The following NELL2 variants were observed in gnomAD, a reference collection of about 807,000 sequenced individuals.
NELL2 encodes the protein protein kinase C-binding protein NELL2.
Under a neutral mutation model 109.6 loss-of-function variants are expected in NELL2, and 41 were observed. That is an observed-to-expected ratio of 0.37 (90% confidence interval 0.29 to 0.49). The LOEUF (loss-of-function observed/expected upper bound fraction) is 0.49, where lower values mean the gene tolerates loss of function less well. Among genes scored for constraint, NELL2 ranks in the 20% least tolerant of loss-of-function variants. The pLI, the probability that NELL2 is intolerant of heterozygous loss-of-function variation, is 0.98. For synonymous variants in NELL2, 355 were observed against 344.7 expected (o/e 1.03, Z -0.33); for missense variants, 900 against 1,008.3 (o/e 0.89, Z 1.45).
At chr12:44,874,931 C>A in intron 2 of NELL2, 2 of 268,012 alleles carry the variant, frequency 7.5e-6, no homozygotes, top group Non-Finnish European at 1.4e-5. Context: ...TGTTATAATT[C>A]ATTGTTCCCC....
rs1945307496 is a variant in NELL2 at position 44,875,963 on chromosome 12, C to G, written c.-94G>C. 1 of 1,591,958 alleles carries G rather than the reference C, an allele frequency of 6.3e-7. No homozygotes were observed. The highest frequency in any genetic ancestry group is 8.5e-7 in the Non-Finnish European group (1 of 1,174,212). ...AATCAAGCGGGAAAATAACGTTTGT[C>G]TCTCCTGCTGCTGCCTCGGATTTAC... On this transcript the variant is annotated 5_prime_UTR_variant, in exon 1 of 20. Transcript: ENST00000429094.
intron 15 of NELL2, among the ~76,000 whole-genome samples, chr12:44,602,266 G>A (rs575156425): frequency 1.3e-5 from 2 of 152,206 alleles, no homozygotes; most frequent in Non-Finnish European, 2.9e-5. Flanking sequence ...CATGAGTGTA[G>A]ATCCCTTAGG....
chr12:44,758,472 T>C (rs761428883), intron 9 of NELL2, among the ~76,000 whole-genome samples: 3 of 152,212 alleles, frequency 2.0e-5, no homozygotes, highest in Non-Finnish European at 4.4e-5. Context: ...TTGCAGAAGA[T>C]GCGCAAGCAC....
chr12:44,508,882 T>C lies in NELL2; in HGVS notation c.*52A>G. On this transcript the variant is annotated 3_prime_UTR_variant, in exon 20 of 20. Transcript: ENST00000429094. ...TTTAAGTTTTAACTTCTTTTTGGTC[T>C]TTTAATGAAAGAACATTCTTTTAAC... The C allele has an allele frequency of 6.6e-7, 1 of 1,522,288 alleles. No homozygotes were observed. Among genetic ancestry groups the C allele is most frequent in the Non-Finnish European group, 9.0e-7 (1 of 1,109,446 alleles). The allele number at this position is 1,522,288 out of a possible 1,614,324, so 94.3% of individuals were successfully genotyped here. A position where few individuals can be genotyped will look rare whatever the true frequency, so the allele number is the denominator to read the frequency against.
intron 16 of NELL2, among the ~76,000 whole-genome samples, chr12:44,525,057 CAT>C (rs1018178502): frequency 6.6e-6 from 1 of 152,012 alleles, no homozygotes; most frequent in African/African-American, 2.4e-5. Context: ...ATAAACAAAC[CAT>C]AGTTATTTGG....
intron 3 of NELL2, among the ~76,000 whole-genome samples, chr12:44,792,353 C>T (rs1344456083): frequency 6.6e-6 from 1 of 151,898 alleles, no homozygotes; most frequent in Non-Finnish European, 1.5e-5. Flanking sequence ...GAGATTTTTT[C>T]TTCATTTTTA....
chr12:44,814,933 G>A lies in NELL2; in HGVS notation c.335+1053C>T, dbSNP rs183129763. On this transcript the variant is annotated intron_variant, in intron 3 of 19. Coordinates refer to ENST00000429094, the MANE Select transcript of NELL2 (RefSeq NM_001145108.2). ...CAGGATCATTAAAGTTTTTATATAG[G>A]TAAAGCATTTTATATGTATAAATTC... Among the ~76,000 whole-genome samples the A allele has an allele frequency of 8.9e-4, 135 of 152,178 alleles. 1 individual carries two copies. In the South Asian group the frequency reaches 9.5e-3, roughly 11 times the overall value.
intron 2 of NELL2, among the ~76,000 whole-genome samples, chr12:44,823,546 T>C (rs1414539677): frequency 3.3e-5 from 5 of 152,222 alleles, no homozygotes; most frequent in Non-Finnish European, 5.9e-5. Context: ...AGTTTATCCA[T>C]GTTGCTGCAA....
intron 12 of NELL2, among the ~76,000 whole-genome samples, chr12:44,692,587 G>A (rs1160986480): frequency 6.6e-6 from 1 of 152,106 alleles, no homozygotes; most frequent in Non-Finnish European, 1.5e-5. Context: ...AAAGTAAGTT[G>A]AAAACCTTCT....
At chr12:44,823,429 T>TC in intron 2 of NELL2, among the ~76,000 whole-genome samples, 1 of 152,330 alleles carries the variant, frequency 6.6e-6, no homozygotes, top group Non-Finnish European at 1.5e-5. Context: ...ATCACCATTT[T>TC]ACTCTCTGCT....
intron 2 of NELL2, among the ~76,000 whole-genome samples, chr12:44,857,243 A>C (rs914933784): frequency 5.9e-5 from 9 of 152,194 alleles, no homozygotes; most frequent in Non-Finnish European, 4.4e-5. Flanking sequence ...ATAGATGGAA[A>C]TGGTGTTTTC....
chr12:44,578,861 T>C (rs1165278046), intron 15 of NELL2, among the ~76,000 whole-genome samples: 1 of 152,340 alleles, frequency 6.6e-6, no homozygotes, highest in East Asian at 1.9e-4. Context: ...AATTTATTAC[T>C]GTTTTGCAAA....
intron 19 of NELL2, among the ~76,000 whole-genome samples, chr12:44,511,336 C>T (rs1204166930): frequency 2.0e-5 from 3 of 152,086 alleles, no homozygotes; most frequent in African/African-American, 7.2e-5. Context: ...GAACAAAATA[C>T]AAAAATAACA....
chr12:44,875,537 G>A, intron 1 of NELL2, 184 bp from the exon 2 acceptor site: 1 of 1,613,880 alleles, frequency 6.2e-7, no homozygotes, highest in Non-Finnish European at 8.5e-7. Context: ...TTAAATAGCG[G>A]AGCACCCAGT....
At chr12:44,794,379 TG>T (rs1320289306) in intron 3 of NELL2, among the ~76,000 whole-genome samples, 1 of 152,166 alleles carries the variant, frequency 6.6e-6, no homozygotes, top group Non-Finnish European at 1.5e-5. Context: ...TGTCTTCTCT[TG>T]GTACAATTGG....
upstream of NELL2, chr12:44,913,999 C>G (rs1945807079): frequency 3.3e-6 from 1 of 307,054 alleles, no homozygotes; most frequent in African/African-American, 2.2e-5. Context: ...TACATCCTGC[C>G]TGCTACTTCT....
intron 3 of NELL2, among the ~76,000 whole-genome samples, chr12:44,797,513 A>C (rs575137492): frequency 9.8e-4 from 149 of 152,240 alleles, no homozygotes; most frequent in African/African-American, 3.3e-3. Context: ...ATAAAAGCAG[A>C]AAGAGTGAAG....
At chr12:44,703,172 A>T (rs1937651350) in intron 12 of NELL2, among the ~76,000 whole-genome samples, 2 of 152,242 alleles carry the variant, frequency 1.3e-5, no homozygotes, top group Admixed American at 1.3e-4. Context: ...CACTCACTGT[A>T]TGTGGACAGT....
chr12:44,611,342 T>G (rs1945613658), intron 13 of NELL2, among the ~76,000 whole-genome samples: 1 of 152,058 alleles, frequency 6.6e-6, no homozygotes, highest in African/African-American at 2.4e-5. Context: ...CTCTGTAGCA[T>G]GTGAACGATG....
Sources: allele counts gnomAD v4.1 joint callset (sites outside exome capture counted in the v4.1 genomes callset), GRCh38; gene constraint gnomAD v4.1.1; transcripts MANE v1.5; gene names NCBI Gene and HGNC (gene_info 2026-07-23, HGNC 2026-07-21).